PTPRT: variants seen among roughly 807,000 people sequenced by gnomAD.
PTPRT encodes receptor-type tyrosine-protein phosphatase T.
In PTPRT, 56 loss-of-function variants were observed where a neutral mutation model predicts 176.8. The observed-to-expected ratio is 0.32, with a 90% CI of 0.26 to 0.40. The LOEUF is 0.40. PTPRT is among the 10% of genes least tolerant of loss of function. The pLI is 1.00. For missense variants in PTPRT, 1,540 were observed against 1,908.2 expected, an observed-to-expected ratio of 0.81 and a Z score of 3.60; for synonymous variants, 783 against 739.0, an observed-to-expected ratio of 1.06 and a Z score of -0.96.
chr20:42,095,531 A>T (rs1985116094), intron 27 of PTPRT, among the ~76,000 whole-genome samples: 1 of 152,130 alleles, frequency 6.6e-6, no homozygotes, highest in Admixed American at 6.5e-5. Context: ...GTCTGTGTTC[A>T]AATGTGTTCT....
chr20:42,937,494 C>A (rs983830130), intron 1 of PTPRT, among the ~76,000 whole-genome samples: 17 of 152,196 alleles, frequency 1.1e-4, no homozygotes, highest in Middle Eastern at 3.2e-3. Context: ...ATAAAGCAGC[C>A]CCCTCCAATG....
intron 1 of PTPRT, among the ~76,000 whole-genome samples, chr20:43,043,074 C>T (rs1431072029): frequency 2.6e-5 from 4 of 152,174 alleles, no homozygotes; most frequent in Admixed American, 2.0e-4. Flanking sequence ...GAGATAAACA[C>T]ATTGTGCCTC....
chr20:43,087,911 C>T (rs114214022), intron 1 of PTPRT, among the ~76,000 whole-genome samples: 3,896 of 152,032 alleles, frequency 0.026, 178 homozygotes, highest in African/African-American at 0.089. Flanking sequence ...TGGATGGGAG[C>T]GAGATTCATT....
At chr20:42,510,692 A>G (rs991272549) in intron 7 of PTPRT, among the ~76,000 whole-genome samples, 1 of 152,170 alleles carries the variant, frequency 6.6e-6, no homozygotes, top group Non-Finnish European at 1.5e-5. Flanking sequence ...TACAAATTAC[A>G]CAGACTGGAA....
chr20:42,150,836 G>A (rs1297704611), intron 17 of PTPRT, among the ~76,000 whole-genome samples: 2 of 150,450 alleles, frequency 1.3e-5, no homozygotes, highest in Non-Finnish European at 3.0e-5. Context: ...GATTGTGTTG[G>A]TGTTTAAACG....
At chr20:42,663,353 G>C (rs2075259600) in intron 7 of PTPRT, among the ~76,000 whole-genome samples, 1 of 152,184 alleles carries the variant, frequency 6.6e-6, no homozygotes, top group Non-Finnish European at 1.5e-5. Context: ...TAAAGTCTGA[G>C]AAAGGATGAG....
intron 11 of PTPRT, among the ~76,000 whole-genome samples, chr20:42,348,482 T>C (rs1239083825): frequency 6.6e-6 from 1 of 152,152 alleles, no homozygotes; most frequent in African/African-American, 2.4e-5. Context: ...AAATGAGTGT[T>C]GGCTTTAGGT....
At chr20:42,604,353 G>A (rs377177735) in intron 7 of PTPRT, among the ~76,000 whole-genome samples, 2 of 152,258 alleles carry the variant, frequency 1.3e-5, no homozygotes, top group East Asian at 3.9e-4. Flanking sequence ...AATTACTGAT[G>A]TTGGGCATGA....
intron 1 of PTPRT, among the ~76,000 whole-genome samples, chr20:43,131,470 A>T (rs1191278271): frequency 1.3e-5 from 2 of 152,212 alleles, no homozygotes; most frequent in African/African-American, 4.8e-5. Flanking sequence ...TTATTTCTAT[A>T]ATAATTTGAA....
rs2057711336 is a variant in PTPRT at position 42,315,746 on chromosome 20, G to A, written c.2116C>T (p.Gln706Ter). The part of the protein sequence containing the change: ...SPLKSYSIYF[Q>*]ALSKANGETK... ...ACTCCATTGGCTTTGCTGAGTGCCT[G>A]GAAGTAGATGCTGTAGCTTTTCAGG... The change falls in exon 12 of 31, where the codon CAG becomes TAG. Residue 706 changes from glutamine (Q) to a stop codon, truncating the protein, a stop_gained. Coordinates refer to ENST00000373187, the MANE Select transcript of PTPRT (RefSeq NM_007050.6). LOFTEE classifies it high-confidence loss of function. 1 of 1,613,942 alleles carries A rather than the reference G, an allele frequency of 6.2e-7. No homozygotes were observed. Among genetic ancestry groups the A allele is most frequent in the African/African-American group, 1.3e-5 (1 of 74,912 alleles).
chr20:42,094,290 G>A (rs1984964120), intron 27 of PTPRT, among the ~76,000 whole-genome samples: 1 of 152,164 alleles, frequency 6.6e-6, no homozygotes, highest in Admixed American at 6.5e-5. Flanking sequence ...GTAGGGTGGT[G>A]ATGCCTTCAG....
chr20:43,016,499 G>A (rs915715796), intron 1 of PTPRT, among the ~76,000 whole-genome samples: 7 of 149,542 alleles, frequency 4.7e-5, no homozygotes, highest in African/African-American at 1.0e-4. Flanking sequence ...CCTCTGTCTC[G>A]GTTGCTGTCT....
rs1345664207 is a variant in PTPRT, at chr20:42,363,288, ATATATATATATATTTTTTTTTT to A, written c.1561-11025_1561-11004del. Among the ~76,000 whole-genome samples, 8 of 22,592 alleles carry A rather than the reference ATATATATATATATTTTTTTTTT, an allele frequency of 3.5e-4. No homozygotes were observed. The East Asian group carries it at 4.0e-3, about 11-fold the overall frequency. The allele number at this position is 22,592 out of a possible 152,430, so 14.8% of individuals were successfully genotyped here. A position where few individuals can be genotyped will look rare whatever the true frequency, so the allele number is the denominator to read the frequency against. On this transcript the variant is annotated intron_variant, in intron 9 of 30. Transcript: ENST00000373187. ...ATTACAATTATATATATATATATAT[ATATATATATATATTTTTTTTTT>A]TTTTTTTTTTTTTTTTGAGATGGAG...
At chr20:42,090,660 C>G (rs1385425209) in intron 27 of PTPRT, among the ~76,000 whole-genome samples, 7 of 152,146 alleles carry the variant, frequency 4.6e-5, no homozygotes, top group Admixed American at 1.3e-4. Context: ...AGGAGCCAGA[C>G]TTTTCATATA....
chr20:42,718,058 G>A (rs1011346426), intron 6 of PTPRT, among the ~76,000 whole-genome samples: 6 of 152,218 alleles, frequency 3.9e-5, no homozygotes, highest in African/African-American at 1.4e-4. Context: ...ATCTGCTTAA[G>A]CCAAAGAACA....
chr20:42,867,785 G>A lies in PTPRT; in HGVS notation c.214+18022C>T, dbSNP rs111340320. Among the ~76,000 whole-genome samples, 518 of 147,386 alleles carry A rather than the reference G, an allele frequency of 3.5e-3. 1 individual carries two copies. The highest frequency in any genetic ancestry group is 0.012 in the African/African-American group (488 of 39,244). On this transcript the variant is annotated intron_variant, in intron 2 of 30. Transcript: ENST00000373187. Reference sequence around the variant, plus strand: ...CAACCTCCACCTCCCAGGTTTAAGCGATTCTCCTGCATCAGCCTCCCAAGA... The same window carrying A: ...CAACCTCCACCTCCCAGGTTTAAGCAATTCTCCTGCATCAGCCTCCCAAGA...
rs534379252 is a variant in PTPRT at position 42,278,439 on chromosome 20, T to C, written c.2176+4050A>G. ...AATAAGAGAATAAAAGGATAGAAGC[T>C]TAGAGGAGGCTGGAGGGAGGAAGGG... is the stretch of plus-strand genomic sequence containing the variant. On this transcript the variant is annotated intron_variant, in intron 13 of 30. Transcript: ENST00000373187. Among the ~76,000 whole-genome samples, 6 of 151,258 alleles carry C rather than the reference T, an allele frequency of 4.0e-5. No individual in the cohort carries two copies. In the East Asian group the frequency reaches 1.2e-3, roughly 30 times the overall value.
intron 16 of PTPRT, among the ~76,000 whole-genome samples, chr20:42,178,533 C>T (rs150891308): frequency 6.6e-6 from 1 of 152,260 alleles, no homozygotes; most frequent in African/African-American, 2.4e-5. Flanking sequence ...ACATGTTAAG[C>T]CATGTATTAG....
intron 16 of PTPRT, among the ~76,000 whole-genome samples, chr20:42,174,236 C>T (rs1482767026): frequency 6.6e-6 from 1 of 151,998 alleles, no homozygotes; most frequent in East Asian, 1.9e-4. Flanking sequence ...CAGTAAGTTA[C>T]TCAAAGCATA....
Sources: gnomAD v4.1 joint callset for allele counts (sites outside exome capture counted in the v4.1 genomes callset) on GRCh38, gnomAD v4.1.1 for gene constraint, MANE v1.5 for transcripts, NCBI Gene and HGNC (gene_info 2026-07-23, HGNC 2026-07-21) for gene names.